ATG13: variants seen among roughly 807,000 people sequenced by gnomAD.
ATG13 encodes the protein autophagy related 13, also known as autophagy-related protein 13.
ATG13 carries 23 observed loss-of-function variants against 65.5 expected under a neutral mutation model. That is an observed-to-expected ratio of 0.35 (90% CI 0.25 to 0.50). The LOEUF (loss-of-function observed/expected upper bound fraction) is 0.50. ATG13 is among the 20% of genes least tolerant of loss of function. The pLI, the probability that ATG13 is intolerant of heterozygous loss-of-function variation, is 0.98. For missense variants in ATG13, 566 were observed against 677.0 expected (o/e 0.84, Z 1.82); for synonymous variants, 252 against 245.2 (o/e 1.03, Z -0.26).
chr11:46,633,026 A>ATATATAT (rs1212138126), intron 2 of ATG13, among the ~76,000 whole-genome samples: 44 of 90,704 alleles, frequency 4.9e-4, no homozygotes, highest in African/African-American at 2.3e-3. Context: ...ATATATATAT[A>ATATATAT]TTTTTTTTTT....
chr11:46,661,085 G>A (rs888645865), intron 11 of ATG13, among the ~76,000 whole-genome samples: 1 of 152,076 alleles, frequency 6.6e-6, no homozygotes, highest in African/African-American at 2.4e-5. Flanking sequence ...GAGTGCAGTA[G>A]CGCAATCTTG....
In ATG13 at chr11:46,650,206, C is replaced by T. The variant is rs145889337; in HGVS notation, c.347C>T (p.Thr116Met). The change falls in exon 7 of 19, where the codon ACG (threonine) becomes ATG (methionine). Residue 116 changes from threonine to methionine, a missense_variant. By Grantham distance (81) the Thr-to-Met change is moderately conservative. Coordinates refer to ENST00000683050, the MANE Select transcript of ATG13 (RefSeq NM_001346311.2). ...KCDKEIKVSY[T>M]VYNRLSLLLK... ...GATAAAGAAATCAAAGTTTCCTACA[C>T]GGTGTACAACAGACTGTCATTGCTG... 439 of 1,613,866 alleles carry T rather than the reference C, an allele frequency of 2.7e-4. No homozygotes were observed. Among genetic ancestry groups the T allele is most frequent in the Non-Finnish European group, 3.3e-4 (395 of 1,179,876 alleles).
intron 11 of ATG13, among the ~76,000 whole-genome samples, chr11:46,661,612 G>A (rs1048289137): frequency 2.0e-5 from 3 of 151,254 alleles, no homozygotes; most frequent in Admixed American, 2.0e-4. Context: ...AGGGAGGATC[G>A]CCTGAGCCCA....
intron 8 of ATG13, 200 bp downstream of exon 8, chr11:46,656,473 C>T (rs1289703621): frequency 4.4e-6 from 2 of 452,348 alleles, no homozygotes; most frequent in Admixed American, 7.5e-5. Flanking sequence ...CCCAAAGTTC[C>T]AGGAACTCAG....
chr11:46,662,341 G>A (rs1420601695), intron 11 of ATG13, among the ~76,000 whole-genome samples: 7 of 152,100 alleles, frequency 4.6e-5, no homozygotes, highest in African/African-American at 1.4e-4. Flanking sequence ...TGTAACTTGC[G>A]AGATATGAGG....
intron 11 of ATG13, among the ~76,000 whole-genome samples, chr11:46,660,227 T>C (rs938915104): frequency 2.6e-5 from 4 of 152,162 alleles, no homozygotes; most frequent in Non-Finnish European, 4.4e-5. Context: ...CATTAAGTAT[T>C]GCTTTCCTCT....
At chr11:46,652,900 A>T (rs1171411033) in intron 7 of ATG13, among the ~76,000 whole-genome samples, 2 of 152,090 alleles carry the variant, frequency 1.3e-5, no homozygotes, top group Non-Finnish European at 2.9e-5. Context: ...AGGAGTCACT[A>T]AACTATGGTC....
chr11:46,638,584 AC>A (rs2054796486), intron 2 of ATG13: 1 of 152,024 alleles, frequency 6.6e-6, no homozygotes, highest in Non-Finnish European at 1.5e-5. Context: ...CTCACCATCA[AC>A]CTACACCCTA....
At chr11:46,618,009 T>G (rs771004353) in intron 1 of ATG13, 119 bp downstream of exon 1, 24 of 397,194 alleles carry the variant, frequency 6.0e-5, no homozygotes, top group Non-Finnish European at 9.3e-5. Flanking sequence ...CACGGTTCAA[T>G]CCCCTGGGCC....
intron 2 of ATG13, among the ~76,000 whole-genome samples, chr11:46,637,448 A>G (rs1266127556): frequency 2.0e-5 from 3 of 152,144 alleles, no homozygotes; most frequent in Non-Finnish European, 4.4e-5. Flanking sequence ...TTTATGTTCA[A>G]AAAATAATGT....
At chr11:46,642,838 C>T (rs2056490396) in intron 2 of ATG13, among the ~76,000 whole-genome samples, 1 of 152,214 alleles carries the variant, frequency 6.6e-6, no homozygotes. Context: ...CTGTCTCGCA[C>T]ACTAGGTGCA....
At chr11:46,664,562 CAGTT>C (rs2061872601) in intron 12 of ATG13, among the ~76,000 whole-genome samples, 1 of 152,198 alleles carries the variant, frequency 6.6e-6, no homozygotes, top group Non-Finnish European at 1.5e-5. Context: ...AGCACTGAAA[CAGTT>C]AGCTCAGCCC....
intron 10 of ATG13, among the ~76,000 whole-genome samples, chr11:46,658,061 T>G (rs1019415735): frequency 1.3e-5 from 2 of 148,550 alleles, no homozygotes; most frequent in African/African-American, 5.0e-5. Context: ...AGAGTGAGAC[T>G]CCTTCTCAAA....
In ATG13 at chr11:46,668,936, C is replaced by G. The variant is rs961251070; in HGVS notation, c.1446+26C>G. 6 of 1,558,964 alleles carry G rather than the reference C, an allele frequency of 3.8e-6. No homozygotes were observed. In the Admixed American group the frequency reaches 1.0e-4, roughly 26 times the overall value. ...GTAAGTCGCCGTCACCTTCCTTGAC[C>G]TTTGCTGTCCCGGGGAACTAGACCT... is the stretch of plus-strand genomic sequence containing the variant. On this transcript the variant is annotated intron_variant, in intron 17 of 18. Transcript: ENST00000683050.
At chr11:46,667,683 C>T in intron 14 of ATG13, 90 bp from the exon 15 acceptor site, 1 of 1,007,416 alleles carries the variant, frequency 9.9e-7, no homozygotes, top group South Asian at 1.7e-5. Context: ...CTGCCCTAGG[C>T]CACAGCCCCA....
chr11:46,649,843 C>T (rs12280002), intron 6 of ATG13, among the ~76,000 whole-genome samples: 6,038 of 152,168 alleles, frequency 0.04, 394 homozygotes, highest in African/African-American at 0.14. Context: ...GTTAGATTAT[C>T]GAGATAGACA....
At position 46,650,636 on chromosome 11, in the gene ATG13, C is replaced by T. The variant is rs184881667; in HGVS notation, c.458+319C>T. Among the ~76,000 whole-genome samples the T allele has an allele frequency of 9.2e-5, 14 of 152,316 alleles. No homozygotes were observed. The East Asian group carries it at 2.1e-3, about 23-fold the overall frequency. On this transcript the variant is annotated intron_variant, in intron 7 of 18. Transcript: ENST00000683050. ...ATTTATTTATTTAGAGACGGAGTCT[C>T]GCTCCATCGCCCAGGTTAGAGTGCA...
At position 46,645,892 on chromosome 11, in the gene ATG13, T is replaced by C; in HGVS notation, c.173T>C (p.Ile58Thr). 6.2e-7 allele frequency: 1 copy of C among 1,614,178 alleles called. No homozygotes were observed. Among genetic ancestry groups the C allele is most frequent in the South Asian group, 1.1e-5 (1 of 91,086 alleles). ...SDWFNLAIKD[I>T]PEVTHEAKKA... ...CAGTTCAACTTAGCAATCAAAGACA[T>C]CCCAGAGGTTACACATGAAGCAAAG... The change falls in exon 5 of 19, where the codon ATC becomes ACC. Residue 58 changes from isoleucine (I) to threonine (T), a missense_variant. Transcript: ENST00000683050.
chr11:46,666,761 T>C (rs1300900886), intron 14 of ATG13, among the ~76,000 whole-genome samples: 2 of 152,218 alleles, frequency 1.3e-5, no homozygotes, highest in African/African-American at 4.8e-5. Flanking sequence ...TGGGCTGTTT[T>C]GACCTGCCCT....
Sources: allele counts gnomAD v4.1 joint callset (sites outside exome capture counted in the v4.1 genomes callset), GRCh38; gene constraint gnomAD v4.1.1; transcripts MANE v1.5; gene names NCBI Gene and HGNC (gene_info 2026-07-23, HGNC 2026-07-21).